The following ARK2N variants were observed in gnomAD, a reference collection of about 807,000 sequenced individuals.
ARK2N encodes protein ARK2N.
the ARK2N span, among the ~76,000 whole-genome samples, chr18:46,202,603 C>T: frequency 6.6e-6 from 1 of 151,988 alleles, no homozygotes; most frequent in Non-Finnish European, 1.5e-5. Context: ...GCCTGACCAA[C>T]GTAGCGAAAC....
chr18:46,266,770 G>A, the ARK2N span: 1 of 152,718 alleles, frequency 6.5e-6, no homozygotes, highest in African/African-American at 2.4e-5. Flanking sequence ...GTTTTCAAAT[G>A]TGCAACTCTA....
chr18:46,212,098 T>C, the ARK2N span, among the ~76,000 whole-genome samples: 3 of 152,286 alleles, frequency 2.0e-5, no homozygotes, highest in South Asian at 6.2e-4. Context: ...TCTGTGACTT[T>C]TTTCTCCTGT....
chr18:46,204,872 G>A, the ARK2N span, among the ~76,000 whole-genome samples: 4 of 151,756 alleles, frequency 2.6e-5, no homozygotes, highest in African/African-American at 4.8e-5. Context: ...TAGGAAGGAC[G>A]ATACAGTTTT....
the ARK2N span, among the ~76,000 whole-genome samples, chr18:46,260,823 T>G: frequency 6.6e-6 from 1 of 152,186 alleles, no homozygotes; most frequent in South Asian, 2.1e-4. Flanking sequence ...AGTGGAGACC[T>G]GATTTTACTC....
chr18:46,264,925 T>C, the ARK2N span: 1 of 152,644 alleles, frequency 6.6e-6, no homozygotes, highest in South Asian at 2.1e-4. Context: ...TTTTCTGCTT[T>C]TGTTAGATAA....
At chr18:46,259,389 G>A in the ARK2N span, among the ~76,000 whole-genome samples, 9 of 151,596 alleles carry the variant, frequency 5.9e-5, no homozygotes, top group African/African-American at 9.7e-5. Flanking sequence ...GACTACAGGC[G>A]CATGCCACCG....
At chr18:46,221,999 G>C in the ARK2N span, among the ~76,000 whole-genome samples, 2 of 152,202 alleles carry the variant, frequency 1.3e-5, no homozygotes, top group Admixed American at 6.5e-5. Flanking sequence ...TCTATTTTCA[G>C]ATTGGTAAAT....
the ARK2N span, among the ~76,000 whole-genome samples, chr18:46,198,310 C>CAAAAAAA: frequency 5.8e-5 from 4 of 69,140 alleles, no homozygotes; most frequent in African/African-American, 1.7e-4. Context: ...ACTCCATCTC[C>CAAAAAAA]AAAAAAAAAA....
the ARK2N span, among the ~76,000 whole-genome samples, chr18:46,204,157 A>C: frequency 6.6e-6 from 1 of 151,874 alleles, no homozygotes; most frequent in Non-Finnish European, 1.5e-5. Context: ...ATTTTATATA[A>C]AGTGAAAGAC....
chr18:46,230,719 G>GT, the ARK2N span, among the ~76,000 whole-genome samples: 1 of 152,162 alleles, frequency 6.6e-6, no homozygotes, highest in Non-Finnish European at 1.5e-5. Flanking sequence ...TTTTAAAAAA[G>GT]TTACTTCATT....
the ARK2N span, among the ~76,000 whole-genome samples, chr18:46,246,844 G>A: frequency 6.6e-6 from 1 of 151,944 alleles, no homozygotes; most frequent in Admixed American, 6.6e-5. Flanking sequence ...AGGAGGCTGA[G>A]GTGGGAGAAT....
the ARK2N span, among the ~76,000 whole-genome samples, chr18:46,242,304 A>G: frequency 1.3e-5 from 2 of 152,178 alleles, no homozygotes; most frequent in South Asian, 2.1e-4. Flanking sequence ...TTAATATTAG[A>G]TTGAACCGTA....
At chr18:46,174,693 A>T in the ARK2N span, among the ~76,000 whole-genome samples, 2 of 152,126 alleles carry the variant, frequency 1.3e-5, no homozygotes, top group Non-Finnish European at 2.9e-5. Flanking sequence ...GAGGTGCCGC[A>T]GTCCCCGGGC....
chr18:46,251,691 C>T, the ARK2N span, among the ~76,000 whole-genome samples: 1 of 152,148 alleles, frequency 6.6e-6, no homozygotes, highest in Non-Finnish European at 1.5e-5. Flanking sequence ...ATGTGTAATA[C>T]TTTATATGTT....
the ARK2N span, chr18:46,253,670 G>GT: frequency 2.9e-5 from 46 of 1,599,064 alleles, no homozygotes; most frequent in Admixed American, 1.6e-4. Context: ...TATAGTGCTT[G>GT]TTTTTTTTCC....
the ARK2N span, among the ~76,000 whole-genome samples, chr18:46,210,765 C>G: frequency 1.3e-3 from 200 of 152,092 alleles, no homozygotes; most frequent in Non-Finnish European, 2.1e-3. Flanking sequence ...CAAAAATTAG[C>G]CAGGCATGGT....
chr18:46,185,509 G>A, the ARK2N span, among the ~76,000 whole-genome samples: 2 of 152,186 alleles, frequency 1.3e-5, no homozygotes. Flanking sequence ...GCTCTCTACT[G>A]TGCTAGCCAA....
the ARK2N span, chr18:46,216,093 A>T: frequency 1.4e-5 from 22 of 1,614,132 alleles, no homozygotes; most frequent in Non-Finnish European, 1.9e-5. The surrounding 1 kb of genome is among the most constrained non-coding windows in gnomAD (Gnocchi z 4.3). Flanking sequence ...AGTCTCAGTT[A>T]GCATCCACAG....
chr18:46,215,399 A>G, the ARK2N span, among the ~76,000 whole-genome samples: 1 of 152,150 alleles, frequency 6.6e-6, no homozygotes, highest in Non-Finnish European at 1.5e-5. Context: ...TTCTTTTTGG[A>G]TTTGAATGTA....
Sources: allele counts gnomAD v4.1 joint callset (sites outside exome capture counted in the v4.1 genomes callset), GRCh38; gene constraint gnomAD v4.1.1; non-coding constraint Gnocchi (gnomAD v3.1); transcripts MANE v1.5; gene names NCBI Gene and HGNC (gene_info 2026-07-23, HGNC 2026-07-21).